Variants in PCDHA12 observed in about 807,000 individuals in gnomAD.
PCDHA12 encodes protocadherin alpha-12.
Under a neutral mutation model 60.0 loss-of-function variants are expected in PCDHA12, and 44 were observed. The observed-to-expected ratio is 0.73, with a 90% CI of 0.58 to 0.94. The LOEUF (loss-of-function observed/expected upper bound fraction) is 0.94, where lower values mean the gene tolerates loss of function less well. Ranked by LOEUF, PCDHA12 falls within the 40% of genes least tolerant of loss-of-function variation. The pLI, the probability that PCDHA12 is intolerant of heterozygous loss-of-function variation, is 0.00. For synonymous variants in PCDHA12, 569 were observed against 553.0 expected (o/e 1.03, Z -0.40); for missense variants, 1,276 against 1,239.7 (o/e 1.03, Z -0.44).
chr5:140,923,256 TAGTG>T (rs2153568044), intron 1 of PCDHA12, among the ~76,000 whole-genome samples: 1 of 152,302 alleles, frequency 6.6e-6, no homozygotes, highest in African/African-American at 2.4e-5. Context: ...CTGGGCAACA[TAGTG>T]AGACCTTGTC....
rs79396364 is a variant in PCDHA12 at position 140,939,917 on chromosome 5, T to C, written c.2368-39032T>C. On this transcript the variant is annotated intron_variant, in intron 1 of 3. Transcript: ENST00000398631. ...TATTCTGCATTCTTTTTTATTCTTT[T>C]TGTTTGCTTATTTTATCAGTTACTG... is the stretch of plus-strand genomic sequence containing the variant. Among the ~76,000 whole-genome samples, 828 of 152,316 alleles carry C rather than the reference T, an allele frequency of 5.4e-3. 3 individuals carry two copies. The highest frequency in any genetic ancestry group is 0.019 in the African/African-American group (797 of 41,560).
chr5:140,970,854 T>TC (rs112843531), intron 1 of PCDHA12, among the ~76,000 whole-genome samples: 13,960 of 152,238 alleles, frequency 0.092, 852 homozygotes, highest in African/African-American at 0.17. Context: ...GCACAAAAGT[T>TC]CCATTCCTGA....
chr5:140,942,540 G>C lies in PCDHA12; in HGVS notation c.2368-36409G>C, dbSNP rs1013086382. Among the ~76,000 whole-genome samples the C allele has an allele frequency of 8.5e-5, 13 of 152,164 alleles. No homozygotes were observed. In the South Asian group the frequency reaches 1.5e-3, roughly 17 times the overall value. ...GGGGAAGCAACTAACTCAGTATGGT[G>C]GGGGGTAGGGGGTTGAGGCAGAAAA... On this transcript the variant is annotated intron_variant, in intron 1 of 3. Transcript: ENST00000398631.
chr5:140,974,782 C>T (rs1211935245), intron 1 of PCDHA12, among the ~76,000 whole-genome samples: 11 of 152,150 alleles, frequency 7.2e-5, no homozygotes, highest in African/African-American at 2.7e-4. Context: ...GCCACTGCGC[C>T]CAGCCCTCAT....
At chr5:141,004,564 T>C (rs1205705593) in intron 3 of PCDHA12, among the ~76,000 whole-genome samples, 1 of 152,196 alleles carries the variant, frequency 6.6e-6, no homozygotes, top group Non-Finnish European at 1.5e-5. Flanking sequence ...AAGATGAACA[T>C]ATCTCTGTGT....
At chr5:140,882,855 T>C in intron 1 of PCDHA12, 1 of 1,614,230 alleles carries the variant, frequency 6.2e-7, no homozygotes, top group Non-Finnish European at 8.5e-7. Context: ...TCACTTGTAC[T>C]GAGGAAAACA....
In PCDHA12 at chr5:141,011,945, A is replaced by G. The variant is rs1588262929; in HGVS notation, c.*2008A>G. On this transcript the variant is annotated 3_prime_UTR_variant, in exon 4 of 4. Transcript: ENST00000398631. ...AGGTAGGAGTCTGTTATTTAAAAAAAGCATTAAATTTAAAAAAAAACTGTC... is the reference window on the plus strand; with the variant it reads ...AGGTAGGAGTCTGTTATTTAAAAAAGGCATTAAATTTAAAAAAAAACTGTC... 6.5e-6 allele frequency: 1 copy of G among 153,752 alleles called. No individual in the cohort carries two copies. The highest frequency in any genetic ancestry group is 1.5e-5 in the Non-Finnish European group (1 of 68,044). The allele number at this position is 153,752 out of a possible 1,614,324, so 9.5% of individuals were successfully genotyped here. A position where few individuals can be genotyped will look rare whatever the true frequency, so the allele number is the denominator to read the frequency against.
intron 1 of PCDHA12, among the ~76,000 whole-genome samples, chr5:140,945,407 T>G (rs554073823): frequency 6.6e-6 from 1 of 152,128 alleles, no homozygotes; most frequent in Non-Finnish European, 1.5e-5. Context: ...ATACAATTCG[T>G]ATCAAAATTT....
At chr5:140,976,833 C>T (rs2096733011) in intron 1 of PCDHA12, among the ~76,000 whole-genome samples, 1 of 152,140 alleles carries the variant, frequency 6.6e-6, no homozygotes, top group Non-Finnish European at 1.5e-5. Flanking sequence ...ATGAGCAAAA[C>T]AGATATAATC....
Position 140,997,281 on chromosome 5 carries a change from T to C in PCDHA12, c.2516-12346T>C, listed in dbSNP as rs143161972. Reference sequence around the variant, plus strand: ...CTCTTCCAAATATTTCTTGCATCACTTAACAATGGGGATACACTGAGAAAT... The same window carrying C: ...CTCTTCCAAATATTTCTTGCATCACCTAACAATGGGGATACACTGAGAAAT... On this transcript the variant is annotated intron_variant, in intron 3 of 3. Transcript: ENST00000398631. 1.4e-3 allele frequency among the ~76,000 whole-genome samples: 209 copies of C among 152,340 alleles called. 2 individuals carry two copies. Among genetic ancestry groups the C allele is most frequent in the African/African-American group, 4.7e-3 (195 of 41,574 alleles).
At chr5:140,982,237 G>T (rs2096973071) in intron 2 of PCDHA12, 1 of 665,404 alleles carries the variant, frequency 1.5e-6, no homozygotes, top group East Asian at 3.5e-5. Context: ...AAACAGAATT[G>T]CCATAAAGAT....
chr5:141,004,750 C>T (rs1205050665), intron 3 of PCDHA12, among the ~76,000 whole-genome samples: 1 of 152,112 alleles, frequency 6.6e-6, no homozygotes, highest in Non-Finnish European at 1.5e-5. Flanking sequence ...GTCTCAGTCT[C>T]TTAGAGACAG....
intron 1 of PCDHA12, among the ~76,000 whole-genome samples, chr5:140,963,380 G>A (rs1476855902): frequency 6.6e-6 from 1 of 152,198 alleles, no homozygotes; most frequent in Non-Finnish European, 1.5e-5. Context: ...GAGCACCTCT[G>A]TGCCAAGCTC....
intron 1 of PCDHA12, among the ~76,000 whole-genome samples, chr5:140,956,551 C>G (rs995941205): frequency 1.3e-5 from 2 of 152,148 alleles, no homozygotes; most frequent in Non-Finnish European, 2.9e-5. Flanking sequence ...ATTTGGTTTG[C>G]CAGTATCTTA....
At chr5:140,940,987 T>A (rs1239979893) in intron 1 of PCDHA12, among the ~76,000 whole-genome samples, 2 of 152,190 alleles carry the variant, frequency 1.3e-5, no homozygotes, top group African/African-American at 4.8e-5. Flanking sequence ...TAGTTACAAG[T>A]TTATAGGATT....
chr5:140,877,160 C>G lies in PCDHA12; in HGVS notation c.1688C>G (p.Pro563Arg). The part of the protein sequence containing the change: ...VFVLDENDNA[P>R]ALLATPAGSA... ...GTGCTGGACGAGAACGACAACGCGC[C>G]GGCACTGCTGGCGACTCCGGCTGGC... is the stretch of plus-strand genomic sequence containing the variant. Residue 563 changes from proline to arginine, a missense_variant, in exon 1 of 4, where the codon CCG becomes CGG. Pro to Arg is a moderately radical substitution (Grantham distance 103, BLOSUM62 -2). Transcript: ENST00000398631. The G allele has an allele frequency of 6.2e-7, 1 of 1,613,814 alleles. No homozygotes were observed. The highest frequency in any genetic ancestry group is 8.5e-7 in the Non-Finnish European group (1 of 1,179,856).
chr5:140,929,497 C>A, intron 1 of PCDHA12: 1 of 977,560 alleles, frequency 1.0e-6, no homozygotes, highest in Non-Finnish European at 1.4e-6. Context: ...TAGAAGATTG[C>A]CCTAGGCCTC....
intron 1 of PCDHA12, among the ~76,000 whole-genome samples, chr5:140,952,530 A>C (rs246033): frequency 0.56 from 85,631 of 151,920 alleles, 24,768 homozygotes; most frequent in African/African-American, 0.69. Flanking sequence ...ACCTCCTCAG[A>C]CTGGACTTCT....
At chr5:140,946,447 A>G (rs1206019841) in intron 1 of PCDHA12, among the ~76,000 whole-genome samples, 6 of 151,544 alleles carry the variant, frequency 4.0e-5, no homozygotes, top group Non-Finnish European at 7.4e-5. Context: ...AGACTAAAAC[A>G]ACTATCCAGC....
Sources: gnomAD v4.1 joint callset for allele counts (sites outside exome capture counted in the v4.1 genomes callset) on GRCh38, gnomAD v4.1.1 for gene constraint, MANE v1.5 for transcripts, NCBI Gene and HGNC (gene_info 2026-07-23, HGNC 2026-07-21) for gene names.